Variants in MACROD2 observed in about 807,000 individuals in gnomAD.
MACROD2 encodes the protein ADP-ribose glycohydrolase MACROD2.
In MACROD2, 36 loss-of-function variants were observed where a neutral mutation model predicts 70.4. The ratio of observed to expected loss-of-function variants is 0.51; its 90% confidence interval spans 0.39 to 0.68. MACROD2 has a LOEUF of 0.68. MACROD2 is among the 30% of genes least tolerant of loss of function. The pLI, the probability that MACROD2 is intolerant of heterozygous loss-of-function variation, is 0.00. For synonymous variants in MACROD2, 172 were observed against 178.8 expected, an observed-to-expected ratio of 0.96 and a Z score of 0.30; for missense variants, 496 against 538.4, an observed-to-expected ratio of 0.92 and a Z score of 0.78.
chr20:14,614,166 CTG>C lies in MACROD2; in HGVS notation c.302-70672_302-70671del, dbSNP rs1000273374. Among the ~76,000 whole-genome samples the C allele has an allele frequency of 5.3e-5, 8 of 152,148 alleles. No individual in the cohort carries two copies. The South Asian group carries it at 6.2e-4, about 12-fold the overall frequency. On this transcript the variant is annotated intron_variant, in intron 4 of 17. Transcript: ENST00000684519. ...TTGATGTAACTCCACACCTAACTAA[CTG>C]TGTGACCTTGAGCAAATTACTTCAA...
At position 14,592,502 on chromosome 20, in the gene MACROD2, C is replaced by T. The variant is rs111545963; in HGVS notation, c.302-92341C>T. On this transcript the variant is annotated intron_variant, in intron 4 of 17. Coordinates refer to ENST00000684519, the MANE Select transcript of MACROD2 (RefSeq NM_001351661.2). Reference sequence around the variant, plus strand: ...GCAGTGGCGTGATTACAGCTCACTGCAGCCTTGACCTCCTGGGCTCAAGTG... The same window carrying T: ...GCAGTGGCGTGATTACAGCTCACTGTAGCCTTGACCTCCTGGGCTCAAGTG... Among the ~76,000 whole-genome samples the T allele has an allele frequency of 1.3e-3, 202 of 152,274 alleles. 2 individuals carry two copies. The highest frequency in any genetic ancestry group is 4.5e-3 in the African/African-American group (187 of 41,558).
intron 1 of MACROD2, among the ~76,000 whole-genome samples, chr20:13,998,562 C>T (rs941319201): frequency 6.2e-4 from 95 of 152,254 alleles, no homozygotes; most frequent in African/African-American, 2.2e-3. Flanking sequence ...TCTCCCTTTT[C>T]TGCCTTTATG....
At chr20:14,921,888 G>A (rs555750177) in intron 5 of MACROD2, among the ~76,000 whole-genome samples, 1 of 152,284 alleles carries the variant, frequency 6.6e-6, no homozygotes, top group South Asian at 2.1e-4. Context: ...TACAATCATT[G>A]TGTGCAGAGT....
chr20:14,876,476 T>C (rs532774233), intron 5 of MACROD2, among the ~76,000 whole-genome samples: 4 of 152,292 alleles, frequency 2.6e-5, no homozygotes, highest in Non-Finnish European at 4.4e-5. Context: ...TTTAATTAGG[T>C]CCCACTTGTC....
chr20:15,844,379 G>C (rs912350504), intron 8 of MACROD2, among the ~76,000 whole-genome samples: 1 of 152,006 alleles, frequency 6.6e-6, no homozygotes, highest in African/African-American at 2.4e-5. Context: ...CCTGGGTCCC[G>C]GTAACTGCTA....
chr20:14,511,909 C>T (rs929292511), intron 4 of MACROD2, among the ~76,000 whole-genome samples: 10 of 150,214 alleles, frequency 6.7e-5, no homozygotes, highest in Admixed American at 5.9e-4. Flanking sequence ...CACTGTACTA[C>T]ACCACGCAGT....
intron 7 of MACROD2, among the ~76,000 whole-genome samples, chr20:15,456,029 G>C (rs6043291): frequency 0.1 from 15,168 of 152,196 alleles, 866 homozygotes; most frequent in Non-Finnish European, 0.13. Context: ...ATGTCTCCGC[G>C]AAAGTGGGCT....
chr20:15,126,632 T>C (rs1363122092), intron 5 of MACROD2, among the ~76,000 whole-genome samples: 3 of 152,112 alleles, frequency 2.0e-5, no homozygotes, highest in South Asian at 4.1e-4. Flanking sequence ...ATTCAGAGGC[T>C]ATTATTGTTC....
chr20:14,412,979 C>A (rs1051935242), intron 3 of MACROD2, among the ~76,000 whole-genome samples: 4 of 152,186 alleles, frequency 2.6e-5, no homozygotes, highest in Non-Finnish European at 4.4e-5. Flanking sequence ...AAGGGAACAT[C>A]TTCCTCTGGA....
chr20:14,380,802 A>G (rs542121705), intron 3 of MACROD2, among the ~76,000 whole-genome samples: 10 of 152,230 alleles, frequency 6.6e-5, no homozygotes, highest in African/African-American at 1.7e-4. Flanking sequence ...TGCTTTAATT[A>G]TTGTACCTTT....
intron 7 of MACROD2, among the ~76,000 whole-genome samples, chr20:15,444,364 A>G (rs2046534568): frequency 6.6e-6 from 1 of 152,190 alleles, no homozygotes; most frequent in East Asian, 1.9e-4. Flanking sequence ...CAGCTCATTT[A>G]AGCATAATTA....
chr20:15,369,135 T>G (rs925044779), intron 6 of MACROD2, among the ~76,000 whole-genome samples: 1 of 152,172 alleles, frequency 6.6e-6, no homozygotes, highest in African/African-American at 2.4e-5. Flanking sequence ...AATTAAGTAT[T>G]AATATTTAAT....
At chr20:15,729,860 C>T (rs530641941) in intron 8 of MACROD2, among the ~76,000 whole-genome samples, 1 of 15,924 alleles carries the variant, frequency 6.3e-5, no homozygotes, top group Non-Finnish European at 1.7e-4. Context: ...TGGAGTTTCA[C>T]TCTTGTCGCC....
intron 5 of MACROD2, among the ~76,000 whole-genome samples, chr20:15,079,061 G>A (rs1459624924): frequency 1.3e-5 from 2 of 152,102 alleles, no homozygotes; most frequent in Non-Finnish European, 2.9e-5. Context: ...ATGGGTCCTA[G>A]ATGAAAGAAA....
intron 8 of MACROD2, among the ~76,000 whole-genome samples, chr20:15,546,910 A>T (rs909406703): frequency 2.0e-5 from 3 of 152,192 alleles, no homozygotes; most frequent in Non-Finnish European, 4.4e-5. Context: ...TTCAAAAGGA[A>T]TCCCCTTTTC....
chr20:14,418,601 A>G (rs747348864), intron 3 of MACROD2, among the ~76,000 whole-genome samples: 5 of 152,232 alleles, frequency 3.3e-5, no homozygotes, highest in Non-Finnish European at 7.3e-5. Context: ...TTTGTTAGGA[A>G]TTTAACAGTT....
At chr20:14,531,853 G>C (rs952164533) in intron 4 of MACROD2, among the ~76,000 whole-genome samples, 4 of 152,136 alleles carry the variant, frequency 2.6e-5, no homozygotes, top group Non-Finnish European at 5.9e-5. Context: ...GCTTCCTCAA[G>C]CCTCTAAGGA....
intron 4 of MACROD2, among the ~76,000 whole-genome samples, chr20:14,615,021 G>A (rs1337369933): frequency 6.6e-6 from 1 of 152,196 alleles, no homozygotes; most frequent in Non-Finnish European, 1.5e-5. Context: ...GAAAGCTATG[G>A]AACCATTGAA....
intron 7 of MACROD2, among the ~76,000 whole-genome samples, chr20:15,442,233 C>A (rs2046505211): frequency 6.6e-6 from 1 of 152,120 alleles, no homozygotes; most frequent in African/African-American, 2.4e-5. Context: ...TATGTCAAAT[C>A]CTTTTTGGTC....
Sources: gnomAD v4.1 joint callset for allele counts (sites outside exome capture counted in the v4.1 genomes callset) on GRCh38, gnomAD v4.1.1 for gene constraint, MANE v1.5 for transcripts, NCBI Gene and HGNC (gene_info 2026-07-23, HGNC 2026-07-21) for gene names.